RGL1: variants seen among roughly 807,000 people sequenced by gnomAD.
RGL1 encodes ral guanine nucleotide dissociation stimulator like 1, also known as ral guanine nucleotide dissociation stimulator-like 1.
A neutral mutation model predicts 95.2 loss-of-function variants in RGL1; 24 were observed. The observed-to-expected ratio is 0.25, with a 90% CI of 0.18 to 0.35. The LOEUF is 0.35. Among genes scored for constraint, RGL1 ranks in the 10% least tolerant of loss-of-function variants. The pLI, the probability that RGL1 is intolerant of heterozygous loss-of-function variation, is 1.00. For missense variants in RGL1, 715 were observed against 936.3 expected, an observed-to-expected ratio of 0.76 and a Z score of 3.08; for synonymous variants, 329 against 344.9, an observed-to-expected ratio of 0.95 and a Z score of 0.51.
At position 183,926,558 on chromosome 1, in the gene RGL1, A is replaced by C; in HGVS notation, c.*266A>C. 4.0e-6 allele frequency: 1 copy of C among 250,064 alleles called. No individual in the cohort carries two copies. 15.5% of individuals were successfully genotyped at this position (250,064 alleles called of 1,614,324 possible). A position where few individuals can be genotyped will look rare whatever the true frequency, so the allele number is the denominator to read the frequency against. On this transcript the variant is annotated 3_prime_UTR_variant, in exon 18 of 18. Transcript: ENST00000360851. ...AATTACCAACATTTAAAACATATATATGCACATGTATTTGGTATGCATGTG... is the reference window on the plus strand; with the variant it reads ...AATTACCAACATTTAAAACATATATCTGCACATGTATTTGGTATGCATGTG...
intron 1 of RGL1, among the ~76,000 whole-genome samples, chr1:183,689,310 G>A (rs1470414652): frequency 6.6e-6 from 1 of 152,118 alleles, no homozygotes; most frequent in Non-Finnish European, 1.5e-5. Context: ...TACTGAAATG[G>A]AGGCTCATGC....
intron 1 of RGL1, among the ~76,000 whole-genome samples, chr1:183,805,997 T>TTTTTTTTTTTTTTTTTTTTTTTTTTTC (rs1661303439): frequency 5.0e-5 from 4 of 80,560 alleles, no homozygotes; most frequent in Non-Finnish European, 9.5e-5. Context: ...TTTTTTTTTT[T>TTTTTTTTTTTTTTTTTTTTTTTTTTTC]TTTTTTTTTT....
chr1:183,651,551 T>C (rs887696990), intron 1 of RGL1, among the ~76,000 whole-genome samples: 1 of 152,182 alleles, frequency 6.6e-6, no homozygotes, highest in African/African-American at 2.4e-5. Flanking sequence ...TCAATCCAGC[T>C]GTAGGTGGAA....
chr1:183,637,633 C>G (rs1649638012), intron 1 of RGL1, among the ~76,000 whole-genome samples: 1 of 152,056 alleles, frequency 6.6e-6, no homozygotes, highest in South Asian at 2.1e-4. Flanking sequence ...GAATACATCC[C>G]TTTTTCTTGG....
intron 3 of RGL1, among the ~76,000 whole-genome samples, chr1:183,860,534 T>G (rs1665449281): frequency 6.6e-6 from 1 of 152,142 alleles, no homozygotes; most frequent in Admixed American, 6.5e-5. Flanking sequence ...TTCCAAGGCC[T>G]TTGCATTGGC....
At chr1:183,735,219 AG>A (rs1344557090) in intron 1 of RGL1, among the ~76,000 whole-genome samples, 1 of 150,140 alleles carries the variant, frequency 6.7e-6, no homozygotes, top group Non-Finnish European at 1.5e-5. Flanking sequence ...TACATTTAAC[AG>A]GAGACAGTTG....
At chr1:183,716,174 A>G (rs989397047) in intron 1 of RGL1, among the ~76,000 whole-genome samples, 1 of 152,256 alleles carries the variant, frequency 6.6e-6, no homozygotes, top group South Asian at 2.1e-4. Context: ...GTTAACCATT[A>G]CAATATACTA....
intron 2 of RGL1, among the ~76,000 whole-genome samples, chr1:183,757,905 C>T (rs2102299442): frequency 6.6e-6 from 1 of 152,324 alleles, no homozygotes; most frequent in African/African-American, 2.4e-5. Flanking sequence ...ATTGTTAAAT[C>T]ACTCTAATTT....
chr1:183,921,453 CT>C (rs1464342698), intron 16 of RGL1, among the ~76,000 whole-genome samples: 2 of 152,046 alleles, frequency 1.3e-5, no homozygotes, highest in Non-Finnish European at 2.9e-5. Context: ...TTTGTTTTTC[CT>C]TTTTTTGAAA....
chr1:183,880,642 G>A lies in RGL1; in HGVS notation c.452G>A (p.Trp151Ter), dbSNP rs1324177451. ...RNAIASILRA[W>*]LDQCAEDFRE... is the part of the protein sequence containing the mutation. ...GCAATCGCTTCCATACTAAGGGCCT[G>A]GCTTGACCAGTGTGCAGAAGACTTC... Residue 151 changes from tryptophan (W) to a stop codon, truncating the protein, a stop_gained, in exon 5 of 18, where the codon TGG (tryptophan) becomes TAG (stop). Transcript: ENST00000360851. LOFTEE classifies it high-confidence loss of function. 6.2e-7 allele frequency: 1 copy of A among 1,613,822 alleles called. No individual in the cohort carries two copies. Among genetic ancestry groups the A allele is most frequent in the Non-Finnish European group, 8.5e-7 (1 of 1,179,820 alleles).
In RGL1 at chr1:183,686,671, C is replaced by T. The variant is rs545871017; in HGVS notation, c.-33+50170C>T. Among the ~76,000 whole-genome samples the T allele has an allele frequency of 3.9e-5, 6 of 152,108 alleles. No homozygotes were observed. In the South Asian group the frequency reaches 1.0e-3, roughly 26 times the overall value. ...AAGTTAGCTAACATGTGACTAGCCA[C>T]GATTTAAATCCCTTCTGATTATACC... On this transcript the variant is annotated intron_variant, in intron 1 of 18. Transcript: ENST00000304685.
intron 3 of RGL1, among the ~76,000 whole-genome samples, chr1:183,858,952 T>A (rs1665337734): frequency 6.6e-6 from 1 of 152,252 alleles, no homozygotes; most frequent in Non-Finnish European, 1.5e-5. Flanking sequence ...AGCTCTGCAA[T>A]AGCAGCTTTT....
intron 1 of RGL1, among the ~76,000 whole-genome samples, chr1:183,638,653 T>A (rs75898954): frequency 0.013 from 1,986 of 152,326 alleles, 49 homozygotes; most frequent in African/African-American, 0.046. Context: ...ACTTAATTCA[T>A]CTTAGGTAAT....
chr1:183,666,530 A>C (rs1652050255), intron 1 of RGL1, among the ~76,000 whole-genome samples: 1 of 151,242 alleles, frequency 6.6e-6, no homozygotes, highest in Non-Finnish European at 1.5e-5. Flanking sequence ...TTCTTTTTTA[A>C]AAAATTGAGA....
chr1:183,694,616 A>C (rs1001910113), intron 1 of RGL1, among the ~76,000 whole-genome samples: 2 of 152,164 alleles, frequency 1.3e-5, no homozygotes, highest in African/African-American at 4.8e-5. Flanking sequence ...GATTTCTTGG[A>C]GTTGAACCAT....
chr1:183,660,683 G>GA (rs1177637998), intron 1 of RGL1, among the ~76,000 whole-genome samples: 8 of 151,528 alleles, frequency 5.3e-5, no homozygotes, highest in African/African-American at 1.7e-4. Flanking sequence ...CCCAGGAATT[G>GA]AACTCAGCTC....
intron 2 of RGL1, among the ~76,000 whole-genome samples, chr1:183,772,925 C>T (rs1471594719): frequency 6.3e-5 from 9 of 143,642 alleles, no homozygotes; most frequent in African/African-American, 1.3e-4. Flanking sequence ...AGGAGAATGG[C>T]GTGAACCCGG....
intron 1 of RGL1, among the ~76,000 whole-genome samples, chr1:183,654,904 T>A (rs1205636303): frequency 1.3e-5 from 2 of 152,234 alleles, no homozygotes; most frequent in Admixed American, 6.5e-5. Flanking sequence ...CCATTTAGGT[T>A]GCACAGAATG....
intron 1 of RGL1, chr1:183,653,447 G>A (rs1394553806): frequency 6.6e-6 from 1 of 152,244 alleles, no homozygotes; most frequent in African/African-American, 2.4e-5. Context: ...TCCCAGTCTG[G>A]GTAAAAGGAT....
Sources: allele counts gnomAD v4.1 joint callset (sites outside exome capture counted in the v4.1 genomes callset), GRCh38; gene constraint gnomAD v4.1.1; transcripts MANE v1.5; gene names NCBI Gene and HGNC (gene_info 2026-07-23, HGNC 2026-07-21).